Variants in NAALADL2 observed in about 807,000 individuals in gnomAD.
The protein encoded by NAALADL2 is N-acetylated alpha-linked acidic dipeptidase like 2.
In NAALADL2, 76 loss-of-function variants were observed where a neutral mutation model predicts 87.2. That is an observed-to-expected ratio of 0.87 (90% CI 0.72 to 1.05). NAALADL2 has a LOEUF of 1.05. Among genes scored for constraint, NAALADL2 ranks in the 50% least tolerant of loss-of-function variants. The pLI is 0.00. For missense variants in NAALADL2, 1,089 were observed against 945.8 expected (o/e 1.15, Z -1.99); for synonymous variants, 354 against 331.0 (o/e 1.07, Z -0.75).
At chr3:175,513,531 A>G (rs1731445413) in intron 9 of NAALADL2, among the ~76,000 whole-genome samples, 1 of 152,252 alleles carries the variant, frequency 6.6e-6, no homozygotes, top group Non-Finnish European at 1.5e-5. Context: ...GATAGGCAAT[A>G]CTATGGAGCG....
Position 175,386,396 on chromosome 3 carries a change from A to G in NAALADL2, c.1091-60833A>G, listed in dbSNP as rs1170030410. On this transcript the variant is annotated intron_variant, in intron 5 of 13. Transcript: ENST00000454872. ...CTGACCTCTGTGTCCTCTATAAAAT[A>G]ATTCTTAAATCCAGAGTCCTGATCT... Among the ~76,000 whole-genome samples the G allele has an allele frequency of 1.2e-4, 18 of 152,214 alleles. 1 individual carries two copies. The highest frequency in any genetic ancestry group is 4.6e-4 in the Admixed American group (7 of 15,254).
intron 10 of NAALADL2, among the ~76,000 whole-genome samples, chr3:175,591,784 G>GTGTGTATA (rs1443245536): frequency 2.5e-3 from 345 of 136,430 alleles, no homozygotes; most frequent in Non-Finnish European, 3.9e-3. Context: ...GTGTGTGTGT[G>GTGTGTATA]TATATATATA....
intron 1 of NAALADL2, among the ~76,000 whole-genome samples, chr3:174,524,184 CA>C (rs1380501805): frequency 6.6e-6 from 1 of 152,040 alleles, no homozygotes; most frequent in Non-Finnish European, 1.5e-5. Context: ...GTATGATTGC[CA>C]CTACCTCTTT....
At chr3:174,657,395 A>T (rs958857628) in intron 2 of NAALADL2, among the ~76,000 whole-genome samples, 7 of 151,976 alleles carry the variant, frequency 4.6e-5, no homozygotes. Flanking sequence ...GACCTCAAGC[A>T]ATCCACCTGA....
At chr3:175,457,988 G>T (rs1722574296) in intron 6 of NAALADL2, among the ~76,000 whole-genome samples, 1 of 151,886 alleles carries the variant, frequency 6.6e-6, no homozygotes, top group African/African-American at 2.4e-5. Context: ...AGTACTATTT[G>T]TATCTTAATA....
intron 5 of NAALADL2, among the ~76,000 whole-genome samples, chr3:175,433,056 T>C (rs1718028262): frequency 6.6e-6 from 1 of 152,072 alleles, no homozygotes; most frequent in East Asian, 1.9e-4. Context: ...CATTAAATAG[T>C]TGCAGTCATG....
intron 1 of NAALADL2, among the ~76,000 whole-genome samples, chr3:174,901,057 ATAAAAT>A (rs1041120372): frequency 6.6e-6 from 1 of 152,164 alleles, no homozygotes; most frequent in Non-Finnish European, 1.5e-5. Flanking sequence ...CAACTGTATG[ATAAAAT>A]TAAACTAATT....
intron 10 of NAALADL2, among the ~76,000 whole-genome samples, chr3:175,624,417 T>G (rs1007435308): frequency 6.6e-6 from 1 of 152,086 alleles, no homozygotes; most frequent in Non-Finnish European, 1.5e-5. Flanking sequence ...ATTTAATATT[T>G]ATTAAGAAAG....
At chr3:175,250,253 CTGTG>C (rs147841608) in intron 3 of NAALADL2, among the ~76,000 whole-genome samples, 36,624 of 145,986 alleles carry the variant, frequency 0.25, 4,702 homozygotes, top group African/African-American at 0.32. Flanking sequence ...CTCACTTTTT[CTGTG>C]TGTGTGTGTG....
At chr3:174,949,277 C>G (rs544662940) in intron 1 of NAALADL2, among the ~76,000 whole-genome samples, 40 of 152,262 alleles carry the variant, frequency 2.6e-4, no homozygotes, top group Non-Finnish European at 5.0e-4. Flanking sequence ...AGTAGGGTTT[C>G]AGGTGCAAGT....
chr3:175,775,544 A>C (rs541425109), intron 13 of NAALADL2, among the ~76,000 whole-genome samples: 37 of 152,230 alleles, frequency 2.4e-4, no homozygotes, highest in South Asian at 1.2e-3. Context: ...TTATGTGCCT[A>C]TTCTATTCTA....
At chr3:175,362,410 T>C (rs886125732) in intron 5 of NAALADL2, among the ~76,000 whole-genome samples, 9 of 148,004 alleles carry the variant, frequency 6.1e-5, no homozygotes, top group African/African-American at 2.2e-4. Flanking sequence ...AAGAAAGTCA[T>C]TGGTAGCTTG....
intron 9 of NAALADL2, among the ~76,000 whole-genome samples, chr3:175,524,244 T>A (rs892727958): frequency 6.6e-6 from 1 of 152,208 alleles, no homozygotes; most frequent in Non-Finnish European, 1.5e-5. Flanking sequence ...TGAATTCAAC[T>A]TGAAGACCAT....
At chr3:174,884,222 T>G (rs1338050221) in intron 1 of NAALADL2, among the ~76,000 whole-genome samples, 1 of 152,134 alleles carries the variant, frequency 6.6e-6, no homozygotes, top group Non-Finnish European at 1.5e-5. Flanking sequence ...CCACTTCCAC[T>G]GCCACTCCTT....
At chr3:174,977,249 A>T (rs916210321) in intron 1 of NAALADL2, among the ~76,000 whole-genome samples, 1 of 152,116 alleles carries the variant, frequency 6.6e-6, no homozygotes, top group African/African-American at 2.4e-5. Flanking sequence ...CATTAGAAAA[A>T]TAGAGAGATG....
At chr3:174,879,610 T>C (rs750451284) in intron 1 of NAALADL2, among the ~76,000 whole-genome samples, 6 of 152,094 alleles carry the variant, frequency 3.9e-5, no homozygotes, top group Non-Finnish European at 5.9e-5. Context: ...TTTGTGTAAG[T>C]ACTTGCTTCA....
At chr3:175,519,768 T>C (rs1051104483) in intron 9 of NAALADL2, among the ~76,000 whole-genome samples, 2 of 152,198 alleles carry the variant, frequency 1.3e-5, no homozygotes, top group African/African-American at 4.8e-5. Flanking sequence ...TACTTTAAAA[T>C]ACTAGAATTA....
chr3:175,482,645 A>T (rs1220814152), intron 9 of NAALADL2, among the ~76,000 whole-genome samples: 5 of 151,900 alleles, frequency 3.3e-5, no homozygotes, highest in Non-Finnish European at 7.4e-5. Context: ...GCTTCATTAA[A>T]AGTAGTTAAT....
Position 174,606,005 on chromosome 3 carries a change from G to A in NAALADL2, c.-115+55368G>A, listed in dbSNP as rs558160726. Among the ~76,000 whole-genome samples, 40 of 152,242 alleles carry A rather than the reference G, an allele frequency of 2.6e-4. 1 individual carries two copies. The highest frequency in any genetic ancestry group is 2.4e-3 in the Admixed American group (36 of 15,296). On this transcript the variant is annotated intron_variant, in intron 2 of 3. Coordinates refer to the NAALADL2 transcript ENST00000434257. ...GGAACGATCAGACAGCAGCATTTGC[G>A]GTTCATGAAAATCTGCTGTTCTGCA...
Sources: allele counts gnomAD v4.1 joint callset (sites outside exome capture counted in the v4.1 genomes callset), GRCh38; gene constraint gnomAD v4.1.1; transcripts MANE v1.5; gene names NCBI Gene and HGNC (gene_info 2026-07-23, HGNC 2026-07-21).